The following ADORA2B variants were observed in gnomAD, a reference collection of about 807,000 sequenced individuals.
ADORA2B encodes the protein adenosine receptor A2b.
ADORA2B carries 18 observed loss-of-function variants against 20.8 expected under a neutral mutation model. That is an observed-to-expected ratio of 0.87 (90% CI 0.60 to 1.29). ADORA2B has a LOEUF of 1.29. Among genes scored for constraint, ADORA2B ranks in the 50% most tolerant of loss-of-function variants. ADORA2B has a pLI of 0.00. For synonymous variants in ADORA2B, 179 were observed against 178.3 expected (o/e 1.00, Z -0.03); for missense variants, 441 against 422.7 (o/e 1.04, Z -0.38).
the ADORA2B span, among the ~76,000 whole-genome samples, chr17:15,871,590 G>T: frequency 3.3e-5 from 5 of 152,190 alleles, no homozygotes; most frequent in Non-Finnish European, 5.9e-5. Flanking sequence ...CAAACACGTG[G>T]TTTGTGCTGA....
chr17:15,884,154 T>C, the ADORA2B span, among the ~76,000 whole-genome samples: 19 of 152,144 alleles, frequency 1.2e-4, no homozygotes, highest in African/African-American at 3.9e-4. Context: ...CCAGATGTCA[T>C]GAAGGACCTA....
chr17:15,957,666 G>A (rs577924072), intron 1 of ADORA2B, among the ~76,000 whole-genome samples: 3 of 152,236 alleles, frequency 2.0e-5, no homozygotes, highest in African/African-American at 7.2e-5. Context: ...TGGGGAGTCT[G>A]GGGCTGCTAG....
chr17:15,960,608 A>G (rs1970022843), intron 1 of ADORA2B, among the ~76,000 whole-genome samples: 1 of 146,258 alleles, frequency 6.8e-6, no homozygotes, highest in African/African-American at 2.6e-5. Flanking sequence ...GCGGTGGCTC[A>G]TGCCTGTAAT....
chr17:15,908,060 C>G, the ADORA2B span, among the ~76,000 whole-genome samples: 1 of 152,142 alleles, frequency 6.6e-6, no homozygotes, highest in Non-Finnish European at 1.5e-5. Context: ...TGGAAATCAT[C>G]TTAATCGTTA....
intron 1 of ADORA2B, among the ~76,000 whole-genome samples, chr17:15,964,870 G>A (rs11867938): frequency 0.019 from 2,885 of 152,044 alleles, 39 homozygotes; most frequent in Non-Finnish European, 0.028. Flanking sequence ...GACCATCCTG[G>A]CTAACACGGT....
chr17:15,965,563 G>A (rs1320170359), intron 1 of ADORA2B, among the ~76,000 whole-genome samples: 1 of 152,244 alleles, frequency 6.6e-6, no homozygotes, highest in Non-Finnish European at 1.5e-5. Flanking sequence ...GCCAGGGGAA[G>A]GATGTTGGTA....
the ADORA2B span, among the ~76,000 whole-genome samples, chr17:15,920,222 G>A: frequency 2.6e-5 from 4 of 152,188 alleles, no homozygotes; most frequent in Non-Finnish European, 4.4e-5. Context: ...AGAAGGGTGC[G>A]AAGGCGGAAG....
rs564178883 is a variant in ADORA2B at position 15,958,122 on chromosome 17, G to A, written c.335+12539G>A. Among the ~76,000 whole-genome samples, 6 of 151,534 alleles carry A rather than the reference G, an allele frequency of 4.0e-5. No homozygotes were observed. The East Asian group carries it at 5.8e-4, about 15-fold the overall frequency. ...CAACCTCTGTCTCCCAGGTTTAAAC[G>A]ATTCTCCTGCCTCAGCCTCGCGAGT... On this transcript the variant is annotated intron_variant, in intron 1 of 1. Coordinates refer to ENST00000304222, the MANE Select transcript of ADORA2B (RefSeq NM_000676.4).
rs145903945 is a variant in ADORA2B, at chr17:15,946,409, C to T, written c.335+826C>T. On this transcript the variant is annotated intron_variant, in intron 1 of 1. Coordinates refer to ENST00000304222, the MANE Select transcript of ADORA2B (RefSeq NM_000676.4). ...GGATTCAGGGGATGGAGTCAGCCAGCGACCAGAGTGGATTCCCAGTTGGAG... is the reference window on the plus strand; with the variant it reads ...GGATTCAGGGGATGGAGTCAGCCAGTGACCAGAGTGGATTCCCAGTTGGAG... 7.1e-3 allele frequency among the ~76,000 whole-genome samples: 1,081 copies of T among 152,284 alleles called. 12 individuals carry two copies. Among genetic ancestry groups the T allele is most frequent in the Admixed American group, 0.013 (201 of 15,304 alleles).
the ADORA2B span, among the ~76,000 whole-genome samples, chr17:15,935,689 A>ACT: frequency 6.6e-6 from 1 of 151,874 alleles, no homozygotes; most frequent in Non-Finnish European, 1.5e-5. Context: ...ATATTGGTAC[A>ACT]CTTAATGATA....
the ADORA2B span, among the ~76,000 whole-genome samples, chr17:15,895,991 A>G: frequency 2.0e-5 from 3 of 152,196 alleles, no homozygotes; most frequent in Admixed American, 6.5e-5. Context: ...CAGTCCAGGG[A>G]GGTTATAAGG....
At chr17:15,954,501 C>T (rs1969943272) in intron 1 of ADORA2B, among the ~76,000 whole-genome samples, 1 of 152,178 alleles carries the variant, frequency 6.6e-6, no homozygotes, top group African/African-American at 2.4e-5. Context: ...TTTACTGTGC[C>T]CTTGGAGTGG....
the ADORA2B span, among the ~76,000 whole-genome samples, chr17:15,877,847 A>G: frequency 2.0e-5 from 3 of 152,058 alleles, no homozygotes; most frequent in Non-Finnish European, 4.4e-5. Flanking sequence ...GGGATTTTGT[A>G]CCATAGTCAG....
chr17:15,887,577 A>G, the ADORA2B span, among the ~76,000 whole-genome samples: 2 of 129,550 alleles, frequency 1.5e-5, no homozygotes, highest in African/African-American at 6.6e-5. Context: ...AGCTATGAGC[A>G]TGGCGCCTGC....
At chr17:15,963,245 C>T (rs1183139450) in intron 1 of ADORA2B, among the ~76,000 whole-genome samples, 1 of 152,142 alleles carries the variant, frequency 6.6e-6, no homozygotes, top group African/African-American at 2.4e-5. Flanking sequence ...CAAGAATCAT[C>T]AATAGGTGCT....
chr17:15,909,997 G>A, the ADORA2B span, among the ~76,000 whole-genome samples: 1 of 152,208 alleles, frequency 6.6e-6, no homozygotes, highest in African/African-American at 2.4e-5. Flanking sequence ...CTTCTGGGCA[G>A]ATCTGTGTGC....
chr17:15,939,940 T>A, the ADORA2B span, among the ~76,000 whole-genome samples: 1 of 152,084 alleles, frequency 6.6e-6, no homozygotes, highest in Non-Finnish European at 1.5e-5. Context: ...TAACATTACT[T>A]CATACATATA....
chr17:15,892,469 G>A, the ADORA2B span, among the ~76,000 whole-genome samples: 6 of 149,958 alleles, frequency 4.0e-5, no homozygotes, highest in South Asian at 6.3e-4. Flanking sequence ...GTGCTCGGCC[G>A]AATTTTTTCA....
chr17:15,912,540 C>T, the ADORA2B span, among the ~76,000 whole-genome samples: 1 of 152,212 alleles, frequency 6.6e-6, no homozygotes, highest in African/African-American at 2.4e-5. Flanking sequence ...GGGATCATCA[C>T]TTATCACCTA....
Sources: gnomAD v4.1 joint callset for allele counts (sites outside exome capture counted in the v4.1 genomes callset) on GRCh38, gnomAD v4.1.1 for gene constraint, MANE v1.5 for transcripts, NCBI Gene and HGNC (gene_info 2026-07-23, HGNC 2026-07-21) for gene names.